Variants in SLC7A11 observed in about 807,000 individuals in gnomAD.
The protein encoded by SLC7A11 is cystine/glutamate transporter.
In SLC7A11, 35 loss-of-function variants were observed where a neutral mutation model predicts 54.5. That is an observed-to-expected ratio of 0.64 (90% CI 0.49 to 0.85). The LOEUF is 0.85. SLC7A11 is among the 40% of genes least tolerant of loss of function. The pLI is 0.00. For missense variants in SLC7A11, 583 were observed against 618.1 expected (o/e 0.94, Z 0.60); for synonymous variants, 230 against 225.2 (o/e 1.02, Z -0.19).
intron 6 of SLC7A11, among the ~76,000 whole-genome samples, chr4:138,198,516 C>T (rs1737195221): frequency 6.6e-6 from 1 of 152,088 alleles, no homozygotes; most frequent in African/African-American, 2.4e-5. Context: ...TAATTTTTGC[C>T]TTTCAATTAA....
chr4:138,241,459 A>C (rs1243809944), intron 1 of SLC7A11, among the ~76,000 whole-genome samples: 1 of 152,162 alleles, frequency 6.6e-6, no homozygotes, highest in African/African-American at 2.4e-5. Flanking sequence ...TGCCCAAGCT[A>C]AGTGTACAAC....
Position 138,236,238 on chromosome 4 carries a change from A to C in SLC7A11, c.404+87T>G, listed in dbSNP as rs1363616943. 11 of 1,117,420 alleles carry C rather than the reference A, an allele frequency of 9.8e-6. No homozygotes were observed. The East Asian group carries it at 2.5e-4, about 25-fold the overall frequency. The allele number at this position is 1,117,420 out of a possible 1,614,324, so 69.2% of individuals were successfully genotyped here. A position where few individuals can be genotyped will look rare whatever the true frequency, so the allele number is the denominator to read the frequency against. On this transcript the variant is annotated intron_variant, in intron 2 of 11. Transcript: ENST00000280612. ...TTTATCATGTAGTCACATGACATGC[A>C]TGTGTCTAACCAGTTAAAAATAATC...
intron 2 of SLC7A11, among the ~76,000 whole-genome samples, chr4:138,234,994 A>G (rs1016556734): frequency 6.6e-6 from 1 of 152,254 alleles, no homozygotes; most frequent in African/African-American, 2.4e-5. Context: ...TGACCTAAGT[A>G]GTATATGGGT....
intron 3 of SLC7A11, among the ~76,000 whole-genome samples, chr4:138,224,813 TGAAAGGAA>T (rs1304177113): frequency 1.7e-5 from 1 of 57,720 alleles, no homozygotes; most frequent in Non-Finnish European, 3.4e-5. Context: ...GAAGGAAGGA[TGAAAGGAA>T]GGAAGGAAGG....
At chr4:138,203,027 G>T (rs1030665634) in intron 6 of SLC7A11, among the ~76,000 whole-genome samples, 3 of 152,002 alleles carry the variant, frequency 2.0e-5, no homozygotes, top group African/African-American at 4.8e-5. Flanking sequence ...TCTGACCTAA[G>T]ATTTCTATTT....
chr4:138,184,505 G>A (rs1472599184), intron 7 of SLC7A11, among the ~76,000 whole-genome samples: 2 of 152,036 alleles, frequency 1.3e-5, no homozygotes, highest in Non-Finnish European at 2.9e-5. Context: ...ATAAATTTTG[G>A]AAAATGCTAT....
At chr4:138,238,162 G>A (rs1738286522) in intron 1 of SLC7A11, among the ~76,000 whole-genome samples, 1 of 151,998 alleles carries the variant, frequency 6.6e-6, no homozygotes, top group Admixed American at 6.6e-5. Flanking sequence ...ACATAAAATT[G>A]GACAAATATG....
chr4:138,236,983 CTTTTTTTTTTT>C (rs34896335), intron 1 of SLC7A11, among the ~76,000 whole-genome samples: 1 of 111,920 alleles, frequency 8.9e-6, no homozygotes. Context: ...TGCAAGATTT[CTTTTTTTTTTT>C]TTTTTTTTTG....
intron 1 of SLC7A11, among the ~76,000 whole-genome samples, chr4:138,238,728 T>C (rs954842081): frequency 2.0e-5 from 3 of 152,116 alleles, no homozygotes; most frequent in Admixed American, 2.0e-4. Context: ...GCCTCCCAAG[T>C]AGCTGGGACC....
At chr4:138,227,032 A>G (rs3935420) in intron 3 of SLC7A11, among the ~76,000 whole-genome samples, 62,534 of 152,014 alleles carry the variant, frequency 0.41, 13,712 homozygotes, top group Middle Eastern at 0.61. Context: ...GAAGGAAGCT[A>G]TATTTGAAGA....
chr4:138,206,897 TGTCTGCCTC>T (rs1356533842), intron 6 of SLC7A11, among the ~76,000 whole-genome samples: 1 of 151,588 alleles, frequency 6.6e-6, no homozygotes, highest in East Asian at 1.9e-4. Flanking sequence ...ACCGATCTTT[TGTCTGCCTC>T]AGTGGCTCAA....
intron 6 of SLC7A11, among the ~76,000 whole-genome samples, chr4:138,187,298 CA>C (rs1736903270): frequency 6.6e-6 from 1 of 152,048 alleles, no homozygotes; most frequent in Non-Finnish European, 1.5e-5. Flanking sequence ...TTGTTAATAA[CA>C]AAAATAACAG....
intron 6 of SLC7A11, among the ~76,000 whole-genome samples, chr4:138,212,953 G>A (rs376325982): frequency 3.0e-4 from 46 of 151,720 alleles, no homozygotes; most frequent in African/African-American, 1.1e-3. Context: ...ACATAGTTAC[G>A]AACCATAGTA....
rs1440398387 is a variant in SLC7A11, at chr4:138,164,622, A to T, written c.*7334T>A. On this transcript the variant is annotated 3_prime_UTR_variant, in exon 12 of 12. Coordinates refer to ENST00000280612, the MANE Select transcript of SLC7A11 (RefSeq NM_014331.4). ...AAATAAAATGCAGTTTTGCTCTTTA[A>T]GAATTTTATCAATGTAAGACATTGT... is the stretch of plus-strand genomic sequence containing the variant. 3 of 152,166 alleles carry T rather than the reference A, an allele frequency of 2.0e-5. No homozygotes were observed. Among genetic ancestry groups the T allele is most frequent in the Non-Finnish European group, 4.4e-5 (3 of 67,992 alleles). The allele number at this position is 152,166 out of a possible 1,614,324, so 9.4% of individuals were successfully genotyped here. A position where few individuals can be genotyped will look rare whatever the true frequency, so the allele number is the denominator to read the frequency against.
intron 3 of SLC7A11, among the ~76,000 whole-genome samples, chr4:138,225,768 C>T (rs1474352996): frequency 2.0e-5 from 3 of 152,044 alleles, no homozygotes; most frequent in Admixed American, 1.3e-4. Context: ...GCAGTGTTTT[C>T]TTTCAAATAG....
At position 138,165,287 on chromosome 4, in the gene SLC7A11, C is replaced by T. The variant is rs1315044008; in HGVS notation, c.*6669G>A. ...AAAAACCATTTCTACCAGTGCATCA[C>T]TACCATGTAATCCATTCTACGCAAG... On this transcript the variant is annotated 3_prime_UTR_variant, in exon 12 of 12. Coordinates refer to ENST00000280612, the MANE Select transcript of SLC7A11 (RefSeq NM_014331.4). The T allele has an allele frequency of 6.6e-6, 1 of 152,562 alleles. No homozygotes were observed. Among genetic ancestry groups the T allele is most frequent in the Non-Finnish European group, 1.5e-5 (1 of 67,994 alleles). 9.5% of individuals were successfully genotyped at this position (152,562 alleles called of 1,614,324 possible).
chr4:138,192,883 T>C lies in SLC7A11; in HGVS notation c.792-7639A>G, dbSNP rs193265215. On this transcript the variant is annotated intron_variant, in intron 6 of 11. Coordinates refer to ENST00000280612, the MANE Select transcript of SLC7A11 (RefSeq NM_014331.4). The stretch of plus-strand genomic sequence containing the variant: ...CCATCCAACAAAGAACAAAGTACAA[T>C]TGCCTCTTGTTTTGCCCAAGGACTC... 6.0e-4 allele frequency among the ~76,000 whole-genome samples: 92 copies of C among 152,246 alleles called. No homozygotes were observed. The East Asian group carries it at 0.016, about 26-fold the overall frequency.
chr4:138,219,341 G>C lies in SLC7A11; in HGVS notation c.671C>G (p.Ala224Gly), dbSNP rs750294561. ...IKGQTQNFKD[A>G]FSGRDSSITR... is the part of the protein sequence containing the mutation. ...AATACTTGAATCTCTTCCTGAAAAG[G>C]CGTCTTTAAAGTTCTGCGTTTGACC... Residue 224 changes from alanine to glycine, a missense_variant, in exon 5 of 12, where the codon GCC becomes GGC. By Grantham distance (60) the Ala-to-Gly change is moderately conservative (BLOSUM62 0). Transcript: ENST00000280612. 1 of 1,605,234 alleles carries C rather than the reference G, an allele frequency of 6.2e-7. No individual in the cohort carries two copies. Among genetic ancestry groups the C allele is most frequent in the Non-Finnish European group, 8.5e-7 (1 of 1,172,184 alleles).
intron 2 of SLC7A11, among the ~76,000 whole-genome samples, chr4:138,235,613 G>T (rs1354286807): frequency 6.6e-6 from 1 of 152,120 alleles, no homozygotes; most frequent in Non-Finnish European, 1.5e-5. Context: ...AAAGTAGTTA[G>T]CCTTAAGGAA....
Sources: gnomAD v4.1 joint callset for allele counts (sites outside exome capture counted in the v4.1 genomes callset) on GRCh38, gnomAD v4.1.1 for gene constraint, MANE v1.5 for transcripts, NCBI Gene and HGNC (gene_info 2026-07-23, HGNC 2026-07-21) for gene names.